The following NXPE2 variants were observed in gnomAD, a reference collection of about 807,000 sequenced individuals.
The protein encoded by NXPE2 is neurexophilin and PC-esterase domain family member 2.
In NXPE2, 34 loss-of-function variants were observed where a neutral mutation model predicts 34.4. That is an observed-to-expected ratio of 0.99 (90% confidence interval 0.75 to 1.31). The LOEUF is 1.31. Among genes scored for constraint, NXPE2 ranks in the 40% most tolerant of loss-of-function variants. The pLI, the probability that NXPE2 is intolerant of heterozygous loss-of-function variation, is 0.00. For synonymous variants in NXPE2, 235 were observed against 231.3 expected, an observed-to-expected ratio of 1.02 and a Z score of -0.15; for missense variants, 649 against 672.5, an observed-to-expected ratio of 0.97 and a Z score of 0.39.
chr11:114,748,049 A>G, the NXPE2 span, among the ~76,000 whole-genome samples: 12 of 152,160 alleles, frequency 7.9e-5, no homozygotes, highest in Admixed American at 3.3e-4. Flanking sequence ...ATATGAGTGA[A>G]GTCATCTGGT....
the NXPE2 span, among the ~76,000 whole-genome samples, chr11:114,517,148 A>G: frequency 6.6e-6 from 1 of 152,168 alleles, no homozygotes; most frequent in African/African-American, 2.4e-5. Context: ...AGCTGCTTCA[A>G]TGTCTTCTCT....
chr11:114,799,387 GAAGAGTTAAGGAAAAT>G, the NXPE2 span, among the ~76,000 whole-genome samples: 28 of 151,916 alleles, frequency 1.8e-4, no homozygotes, highest in Non-Finnish European at 3.5e-4. Context: ...ATCGTTTGGA[GAAGAGTTAAGGAAAAT>G]AAGAGTTTCA....
the NXPE2 span, among the ~76,000 whole-genome samples, chr11:114,760,110 C>G: frequency 6.6e-6 from 1 of 152,198 alleles, no homozygotes; most frequent in East Asian, 1.9e-4. Context: ...GTTTGTGTCT[C>G]CCTGCACATT....
chr11:114,710,022 G>A (rs563044599), downstream of NXPE2, among the ~76,000 whole-genome samples: 4 of 152,120 alleles, frequency 2.6e-5, no homozygotes, highest in Non-Finnish European at 4.4e-5. Flanking sequence ...AAGAACACAC[G>A]AGGGATTTAG....
the NXPE2 span, among the ~76,000 whole-genome samples, chr11:114,532,146 G>T: frequency 3.3e-5 from 5 of 152,126 alleles, no homozygotes; most frequent in African/African-American, 4.8e-5. Context: ...CCAGCATTGG[G>T]CAATAAAACC....
the NXPE2 span, among the ~76,000 whole-genome samples, chr11:114,632,472 A>G: frequency 7.8e-6 from 1 of 128,456 alleles, no homozygotes; most frequent in Non-Finnish European, 1.6e-5. Context: ...CATTATATAT[A>G]CTATATAATA....
the NXPE2 span, among the ~76,000 whole-genome samples, chr11:114,766,547 T>C: frequency 6.6e-6 from 1 of 152,256 alleles, no homozygotes; most frequent in East Asian, 1.9e-4. Flanking sequence ...TTTCCCTTTT[T>C]CCTTCATTAT....
the NXPE2 span, among the ~76,000 whole-genome samples, chr11:114,746,145 A>C: frequency 2.3e-4 from 35 of 152,214 alleles, 1 homozygote; most frequent in East Asian, 6.6e-3. Flanking sequence ...ATGTTTGACC[A>C]GAATCTATCT....
At chr11:114,791,948 C>T in the NXPE2 span, among the ~76,000 whole-genome samples, 1 of 152,148 alleles carries the variant, frequency 6.6e-6, no homozygotes, top group Admixed American at 6.5e-5. Context: ...GTCACAGCTA[C>T]TCGGGAGGCT....
the NXPE2 span, among the ~76,000 whole-genome samples, chr11:114,546,660 C>A: frequency 6.6e-6 from 1 of 151,940 alleles, no homozygotes; most frequent in Non-Finnish European, 1.5e-5. Flanking sequence ...CCAATAGTAA[C>A]AAACAGAGCC....
the NXPE2 span, among the ~76,000 whole-genome samples, chr11:114,638,355 A>G: frequency 9.2e-5 from 14 of 151,698 alleles, no homozygotes; most frequent in African/African-American, 2.4e-5. Context: ...TATTCTAGTT[A>G]TCCATTCGTC....
the NXPE2 span, among the ~76,000 whole-genome samples, chr11:114,791,640 T>C: frequency 6.6e-6 from 1 of 151,922 alleles, no homozygotes; most frequent in Non-Finnish European, 1.5e-5. Flanking sequence ...AAAGAATGGA[T>C]AAGGTAGGGT....
At position 114,705,884 on chromosome 11, in the gene NXPE2, C is replaced by G. The variant is rs1951462360; in HGVS notation, c.1032C>G (p.Ile344Met). The G allele has an allele frequency of 6.5e-7, 1 of 1,542,394 alleles. No individual in the cohort carries two copies. Among genetic ancestry groups the G allele is most frequent in the East Asian group, 2.5e-5 (1 of 40,404 alleles). The change falls in exon 5 of 6, where the codon ATC becomes ATG. Residue 344 changes from isoleucine (I) to methionine (M), a missense_variant. Transcript: ENST00000389586. The part of the protein sequence containing the change: ...KMWITAFCKQ[I>M]KFNETKNIND... ...GGATTACAGCATTTTGTAAACAGAT[C>G]AAGTTCAATGAAACAAAAAATATAA...
chr11:114,734,653 T>C, the NXPE2 span, among the ~76,000 whole-genome samples: 4 of 152,198 alleles, frequency 2.6e-5, no homozygotes, highest in African/African-American at 4.8e-5. Flanking sequence ...GTTTCATAAT[T>C]ATATATCTCC....
the NXPE2 span, among the ~76,000 whole-genome samples, chr11:114,490,634 A>T: frequency 6.6e-6 from 1 of 152,206 alleles, no homozygotes; most frequent in Non-Finnish European, 1.5e-5. Context: ...GGTGCTGGGA[A>T]AACTGGCTAG....
At chr11:114,536,406 A>G in the NXPE2 span, among the ~76,000 whole-genome samples, 73 of 152,348 alleles carry the variant, frequency 4.8e-4, no homozygotes, top group East Asian at 6.4e-3. Flanking sequence ...TTCAAAAGCT[A>G]GCAGAAGGCA....
the NXPE2 span, among the ~76,000 whole-genome samples, chr11:114,781,680 A>AG: frequency 1.3e-5 from 2 of 152,100 alleles, no homozygotes; most frequent in African/African-American, 4.8e-5. Flanking sequence ...ATGCCAGTCT[A>AG]GGGGGGCCAT....
the NXPE2 span, among the ~76,000 whole-genome samples, chr11:114,588,590 C>T: frequency 6.6e-6 from 1 of 152,126 alleles, no homozygotes; most frequent in Non-Finnish European, 1.5e-5. Context: ...CCATCATTCC[C>T]AATACGAAGA....
At chr11:114,551,281 A>G in the NXPE2 span, 1 of 1,317,250 alleles carries the variant, frequency 7.6e-7, no homozygotes, top group South Asian at 1.5e-5. Flanking sequence ...TATTTTATTT[A>G]TAACTTGTAA....
Sources: gnomAD v4.1 joint callset for allele counts (sites outside exome capture counted in the v4.1 genomes callset) on GRCh38, gnomAD v4.1.1 for gene constraint, MANE v1.5 for transcripts, NCBI Gene and HGNC (gene_info 2026-07-23, HGNC 2026-07-21) for gene names.